The following UNC5D variants were observed in gnomAD, a reference collection of about 807,000 sequenced individuals.
UNC5D encodes netrin receptor UNC5D.
Under a neutral mutation model 105.4 loss-of-function variants are expected in UNC5D, and 39 were observed. That is an observed-to-expected ratio of 0.37 (90% CI 0.29 to 0.48). The LOEUF is 0.48. Ranked by LOEUF, UNC5D falls within the 20% of genes least tolerant of loss-of-function variation. The pLI is 0.98. For synonymous variants in UNC5D, 452 were observed against 450.4 expected, an observed-to-expected ratio of 1.00 and a Z score of -0.04; for missense variants, 991 against 1,202.4, an observed-to-expected ratio of 0.82 and a Z score of 2.60.
chr8:35,236,580 G>T (rs1381691265), intron 1 of UNC5D, among the ~76,000 whole-genome samples: 1 of 152,142 alleles, frequency 6.6e-6, no homozygotes, highest in African/African-American at 2.4e-5. Flanking sequence ...GGAAGCGCGG[G>T]CCCCACCGAG....
At chr8:35,736,913 G>C (rs998260659) in intron 11 of UNC5D, among the ~76,000 whole-genome samples, 1 of 152,154 alleles carries the variant, frequency 6.6e-6, no homozygotes. Flanking sequence ...GTGGGTAGGG[G>C]TGAGTGAGGC....
chr8:35,277,168 C>T (rs1554500066), intron 1 of UNC5D, among the ~76,000 whole-genome samples: 1 of 152,184 alleles, frequency 6.6e-6, no homozygotes, highest in Non-Finnish European at 1.5e-5. Flanking sequence ...CTCTTTTCCT[C>T]TCCAGTTCAT....
chr8:35,332,918 T>G (rs1810733922), intron 1 of UNC5D, among the ~76,000 whole-genome samples: 1 of 152,254 alleles, frequency 6.6e-6, no homozygotes, highest in African/African-American at 2.4e-5. Flanking sequence ...AAATCTTGAT[T>G]GCTCTTCTGA....
At chr8:35,565,734 G>A (rs1817287917) in intron 2 of UNC5D, among the ~76,000 whole-genome samples, 1 of 152,122 alleles carries the variant, frequency 6.6e-6, no homozygotes, top group Admixed American at 6.6e-5. Flanking sequence ...TCCAATTTGA[G>A]TTAATTGTTG....
At chr8:35,594,703 A>G (rs949399313) in intron 3 of UNC5D, among the ~76,000 whole-genome samples, 44 of 152,114 alleles carry the variant, frequency 2.9e-4, no homozygotes, top group African/African-American at 1.0e-3. Context: ...AAGCAATGCA[A>G]ATGAAACTCT....
At chr8:35,406,354 C>G (rs1236960614) in intron 1 of UNC5D, among the ~76,000 whole-genome samples, 1 of 152,052 alleles carries the variant, frequency 6.6e-6, no homozygotes, top group African/African-American at 2.4e-5. Flanking sequence ...TGCAAGGAGC[C>G]TTTTTCCTGC....
At chr8:35,510,984 C>T (rs1340556083) in intron 1 of UNC5D, among the ~76,000 whole-genome samples, 1 of 152,122 alleles carries the variant, frequency 6.6e-6, no homozygotes, top group African/African-American at 2.4e-5. Flanking sequence ...CATTAATTGG[C>T]CTCCAACTAA....
chr8:35,734,574 C>G (rs964886671), intron 11 of UNC5D, among the ~76,000 whole-genome samples: 9 of 151,806 alleles, frequency 5.9e-5, no homozygotes, highest in Admixed American at 5.9e-4. Flanking sequence ...CCATGCCTGG[C>G]TAATTTTGTA....
At chr8:35,427,177 G>T (rs1318066901) in intron 1 of UNC5D, among the ~76,000 whole-genome samples, 1 of 152,140 alleles carries the variant, frequency 6.6e-6, no homozygotes, top group African/African-American at 2.4e-5. Context: ...TATTCTGTTA[G>T]GTCTGACAGG....
intron 7 of UNC5D, among the ~76,000 whole-genome samples, chr8:35,687,965 C>G (rs1826129451): frequency 6.6e-6 from 1 of 151,890 alleles, no homozygotes; most frequent in Non-Finnish European, 1.5e-5. Context: ...CCCATCTCTA[C>G]TAAAAATACA....
At chr8:35,411,573 T>C (rs941428680) in intron 1 of UNC5D, among the ~76,000 whole-genome samples, 12 of 152,076 alleles carry the variant, frequency 7.9e-5, no homozygotes, top group African/African-American at 2.9e-4. Flanking sequence ...TGAAATAAAA[T>C]AGTTCTCATT....
At chr8:35,452,659 CT>C in intron 1 of UNC5D, among the ~76,000 whole-genome samples, 1 of 152,080 alleles carries the variant, frequency 6.6e-6, no homozygotes, top group East Asian at 1.9e-4. Context: ...ACGGTAGTAG[CT>C]TTTTTTGAAT....
rs530926149 is a variant in UNC5D, at chr8:35,687,609, C to T, written c.1084+900C>T. On this transcript the variant is annotated intron_variant, in intron 7 of 16. Transcript: ENST00000404895. ...TTACATTATTACCATCACCAAGGGA[C>T]TGCCTGCCTGGGTTAGAAGGCATGG... Among the ~76,000 whole-genome samples the T allele has an allele frequency of 2.6e-5, 4 of 152,236 alleles. No individual in the cohort carries two copies. The South Asian group carries it at 8.3e-4, about 32-fold the overall frequency.
intron 1 of UNC5D, among the ~76,000 whole-genome samples, chr8:35,353,033 T>G (rs1812351421): frequency 6.6e-6 from 1 of 152,090 alleles, no homozygotes; most frequent in African/African-American, 2.4e-5. Flanking sequence ...TGGCCCTAAA[T>G]GTAGAAGCCA....
intron 1 of UNC5D, among the ~76,000 whole-genome samples, chr8:35,469,692 A>T (rs1473029868): frequency 1.3e-5 from 2 of 152,228 alleles, no homozygotes; most frequent in Admixed American, 1.3e-4. Flanking sequence ...TTGACTAAAG[A>T]AGGGCATTTA....
At chr8:35,434,163 A>T (rs1454640532) in intron 1 of UNC5D, among the ~76,000 whole-genome samples, 2 of 152,124 alleles carry the variant, frequency 1.3e-5, no homozygotes, top group African/African-American at 4.8e-5. Flanking sequence ...TGGTGAATTT[A>T]TGAAGTTTTG....
intron 2 of UNC5D, among the ~76,000 whole-genome samples, chr8:35,550,531 T>C (rs1816050065): frequency 6.6e-6 from 1 of 152,162 alleles, no homozygotes; most frequent in East Asian, 1.9e-4. Flanking sequence ...CAAATCAGCC[T>C]AATTTATTAA....
Position 35,340,439 on chromosome 8 carries a change from T to G in UNC5D, c.103+104552T>G, listed in dbSNP as rs1283388265. Among the ~76,000 whole-genome samples the G allele has an allele frequency of 2.0e-5, 3 of 152,148 alleles. No individual in the cohort carries two copies. The South Asian group carries it at 6.2e-4, about 32-fold the overall frequency. On this transcript the variant is annotated intron_variant, in intron 1 of 16. Coordinates refer to ENST00000404895, the MANE Select transcript of UNC5D (RefSeq NM_080872.4). ...GTTTCTATTTGGGAACTAACTGCCT[T>G]ACTTGGAATATGGTCACTAGTTTGG... is the stretch of plus-strand genomic sequence containing the variant.
intron 4 of UNC5D, among the ~76,000 whole-genome samples, chr8:35,622,485 T>C (rs1322004726): frequency 6.6e-6 from 1 of 152,204 alleles, no homozygotes; most frequent in Non-Finnish European, 1.5e-5. Flanking sequence ...CCTCCTCTTG[T>C]TAGCTGTGTG....
Sources: gnomAD v4.1 joint callset for allele counts (sites outside exome capture counted in the v4.1 genomes callset) on GRCh38, gnomAD v4.1.1 for gene constraint, MANE v1.5 for transcripts, NCBI Gene and HGNC (gene_info 2026-07-23, HGNC 2026-07-21) for gene names.